DLGAP1: variants seen among roughly 807,000 people sequenced by gnomAD.
The protein encoded by DLGAP1 is DLG associated protein 1.
In DLGAP1, 11 loss-of-function variants were observed where a neutral mutation model predicts 90.8. The observed-to-expected ratio is 0.12, with a 90% CI of 0.08 to 0.20. The LOEUF is 0.20. DLGAP1 is among the 10% of genes least tolerant of loss of function. The pLI, the probability that DLGAP1 is intolerant of heterozygous loss-of-function variation, is 1.00. For missense variants in DLGAP1, 1,050 were observed against 1,333.8 expected (o/e 0.79, Z 3.31); for synonymous variants, 558 against 540.7 (o/e 1.03, Z -0.44).
chr18:4,079,287 T>TCACACACACA lies in DLGAP1; in HGVS notation c.-159+71883_-159+71892dup, dbSNP rs6146196. ...AGCCAATGAGTAGATAAAGAAAATG[T>TCACACACACA]CACACACACACACACACACACACAC... On this transcript the variant is annotated intron_variant, in intron 2 of 12. Coordinates refer to ENST00000315677, the MANE Select transcript of DLGAP1 (RefSeq NM_004746.4). 2.3e-3 allele frequency among the ~76,000 whole-genome samples: 324 copies of TCACACACACA among 142,592 alleles called. 3 individuals are homozygous for TCACACACACA. Among genetic ancestry groups the TCACACACACA allele is most frequent in the Middle Eastern group, 3.5e-3 (1 of 288 alleles). The allele number at this position is 142,592 out of a possible 152,430, so 93.5% of individuals were successfully genotyped here.
intron 2 of DLGAP1, among the ~76,000 whole-genome samples, chr18:4,101,525 A>T (rs894695772): frequency 6.6e-6 from 1 of 152,188 alleles, no homozygotes; most frequent in Non-Finnish European, 1.5e-5. Context: ...AAGTAGGCAC[A>T]TGCTATTAGA....
intron 1 of DLGAP1, among the ~76,000 whole-genome samples, chr18:4,317,916 C>A (rs1476838989): frequency 6.6e-6 from 1 of 151,672 alleles, no homozygotes. Context: ...GGTGTGATCT[C>A]GGCTCACTGC....
Position 4,178,601 on chromosome 18 carries a change from A to G in DLGAP1, c.-266-27314T>C, listed in dbSNP as rs116406328. 1.6e-3 allele frequency among the ~76,000 whole-genome samples: 242 copies of G among 152,142 alleles called. 2 individuals are homozygous for G. The highest frequency in any genetic ancestry group is 5.6e-3 in the African/African-American group (234 of 41,536). On this transcript the variant is annotated intron_variant, in intron 1 of 12. Coordinates refer to ENST00000315677, the MANE Select transcript of DLGAP1 (RefSeq NM_004746.4). ...TATGGTTCAGTAAATATTTTTTCATACCCATTTCTTTGCATATTAACCAAT... is the reference window on the plus strand; with the variant it reads ...TATGGTTCAGTAAATATTTTTTCATGCCCATTTCTTTGCATATTAACCAAT...
intron 1 of DLGAP1, among the ~76,000 whole-genome samples, chr18:4,312,156 C>T (rs2080417310): frequency 6.6e-6 from 1 of 152,092 alleles, no homozygotes; most frequent in South Asian, 2.1e-4. Flanking sequence ...TGGCCCAGTG[C>T]CAATAATTTC....
intron 2 of DLGAP1, among the ~76,000 whole-genome samples, chr18:4,058,531 T>G (rs2075255325): frequency 1.3e-5 from 2 of 152,208 alleles, no homozygotes; most frequent in South Asian, 4.1e-4. Flanking sequence ...GCCTACTTGC[T>G]TTTTTTGAAT....
intron 11 of DLGAP1, among the ~76,000 whole-genome samples, chr18:3,505,055 C>T (rs3879738): frequency 0.12 from 18,508 of 152,168 alleles, 1,635 homozygotes; most frequent in East Asian, 0.34. Context: ...TATGATTTTT[C>T]TCCTCAGAAT....
intron 1 of DLGAP1, among the ~76,000 whole-genome samples, chr18:4,307,200 A>G (rs753164980): frequency 8.5e-5 from 13 of 152,186 alleles, no homozygotes; most frequent in South Asian, 2.1e-4. Context: ...ATGCATTCCT[A>G]AAGACCAACT....
At chr18:3,680,303 TC>T (rs1422880878) in intron 7 of DLGAP1, 2 of 152,662 alleles carry the variant, frequency 1.3e-5, no homozygotes, top group East Asian at 3.9e-4. Context: ...ATGAACTCTG[TC>T]CTCAGGGCAT....
intron 1 of DLGAP1, among the ~76,000 whole-genome samples, chr18:4,168,407 T>G (rs540786203): frequency 9.6e-4 from 146 of 152,316 alleles, no homozygotes; most frequent in African/African-American, 3.4e-3. Flanking sequence ...AACCTCAAAC[T>G]AAACATCATG....
chr18:4,321,874 A>G (rs1311153005), intron 1 of DLGAP1, among the ~76,000 whole-genome samples: 1 of 152,170 alleles, frequency 6.6e-6, no homozygotes, highest in Non-Finnish European at 1.5e-5. Context: ...AAAAGAACAA[A>G]GCTGGTGGCA....
chr18:3,823,809 G>C (rs897168732), intron 4 of DLGAP1, among the ~76,000 whole-genome samples: 7 of 151,876 alleles, frequency 4.6e-5, no homozygotes, highest in African/African-American at 1.7e-4. Context: ...AATTAGCCAG[G>C]CTTGGTGGCT....
intron 9 of DLGAP1, among the ~76,000 whole-genome samples, chr18:3,555,167 G>T (rs2053679113): frequency 6.6e-6 from 1 of 152,134 alleles, no homozygotes; most frequent in Admixed American, 6.5e-5. Flanking sequence ...AGAGACAGAA[G>T]GTATTGGTAA....
intron 1 of DLGAP1, among the ~76,000 whole-genome samples, chr18:4,170,497 C>G (rs1268120499): frequency 6.6e-6 from 1 of 151,900 alleles, no homozygotes; most frequent in Non-Finnish European, 1.5e-5. Context: ...ATAATTTAAG[C>G]AAGAATACAG....
chr18:3,749,921 T>C (rs1372606359), intron 5 of DLGAP1, among the ~76,000 whole-genome samples: 1 of 152,226 alleles, frequency 6.6e-6, no homozygotes, highest in Non-Finnish European at 1.5e-5. Flanking sequence ...ATTTTCTTGT[T>C]TCTACTTCCT....
intron 1 of DLGAP1, among the ~76,000 whole-genome samples, chr18:4,404,111 CA>C (rs1207164853): frequency 1.3e-5 from 2 of 152,272 alleles, no homozygotes; most frequent in African/African-American, 4.8e-5. Flanking sequence ...AAGGAAAGTG[CA>C]AAAGGTGTGG....
rs1243221212 is a variant in DLGAP1 at position 3,711,684 on chromosome 18, T to C, written c.1591+17451A>G. Among the ~76,000 whole-genome samples, 1 of 151,670 alleles carries C rather than the reference T, an allele frequency of 6.6e-6. No homozygotes were observed. The highest frequency in any genetic ancestry group is 2.4e-5 in the African/African-American group (1 of 41,346). On this transcript the variant is annotated intron_variant, in intron 7 of 12. Transcript: ENST00000315677. This position sits in a 1 kb window ranked among gnomAD's most constrained non-coding sequence, Gnocchi z 4.0. ...CAAAGCTCCATCTCTACAAAGAAAA[T>C]TAAAATATTAGCTGGCTCAGTGGCA...
At position 3,629,179 on chromosome 18, in the gene DLGAP1, C is replaced by T. The variant is rs117794194; in HGVS notation, c.1592-46931G>A. Among the ~76,000 whole-genome samples, 111 of 152,236 alleles carry T rather than the reference C, an allele frequency of 7.3e-4. 1 individual carries two copies. The East Asian group carries it at 0.02, about 27-fold the overall frequency. On this transcript the variant is annotated intron_variant, in intron 7 of 12. Coordinates refer to ENST00000315677, the MANE Select transcript of DLGAP1 (RefSeq NM_004746.4). ...AGGCACAGTGGCTCACACCTACAATCCCAGCACTTTGGGAGGCCAAGACAG... is the reference window on the plus strand; with the variant it reads ...AGGCACAGTGGCTCACACCTACAATTCCAGCACTTTGGGAGGCCAAGACAG...
intron 2 of DLGAP1, among the ~76,000 whole-genome samples, chr18:4,144,965 T>C (rs186384833): frequency 6.6e-6 from 1 of 152,354 alleles, no homozygotes; most frequent in East Asian, 1.9e-4. Context: ...TATACTCTTA[T>C]TTTACGAAGA....
intron 7 of DLGAP1, among the ~76,000 whole-genome samples, chr18:3,701,359 G>C (rs1434324894): frequency 6.6e-6 from 1 of 152,216 alleles, no homozygotes; most frequent in African/African-American, 2.4e-5. Context: ...CAATGACCCT[G>C]TGTTGGGGCC....
Sources: gnomAD v4.1 joint callset for allele counts (sites outside exome capture counted in the v4.1 genomes callset) on GRCh38, gnomAD v4.1.1 for gene constraint, Gnocchi (gnomAD v3.1) non-coding constraint, MANE v1.5 for transcripts, NCBI Gene and HGNC (gene_info 2026-07-23, HGNC 2026-07-21) for gene names.